SLC38A9: variants seen among roughly 807,000 people sequenced by gnomAD.
SLC38A9 encodes the protein neutral amino acid transporter 9.
A neutral mutation model predicts 62.3 loss-of-function variants in SLC38A9; 48 were observed. The observed-to-expected ratio is 0.77, with a 90% CI of 0.61 to 0.98. The LOEUF (loss-of-function observed/expected upper bound fraction) is 0.98, where lower values mean the gene tolerates loss of function less well. SLC38A9 is among the 50% of genes least tolerant of loss of function. The probability of loss-of-function intolerance (pLI) is 0.00; values close to 1 mark genes in which losing one functional copy is unlikely to be tolerated. For missense variants in SLC38A9, 541 were observed against 679.8 expected, an observed-to-expected ratio of 0.80 and a Z score of 2.27; for synonymous variants, 204 against 227.7, an observed-to-expected ratio of 0.90 and a Z score of 0.94.
At chr5:55,662,742 A>G (rs895640148) in intron 8 of SLC38A9, among the ~76,000 whole-genome samples, 5 of 151,932 alleles carry the variant, frequency 3.3e-5, no homozygotes, top group Middle Eastern at 3.4e-3. Context: ...TCATGTAGTA[A>G]AAGTCCAAAA....
chr5:55,679,051 A>C (rs1206512127), intron 3 of SLC38A9, among the ~76,000 whole-genome samples: 2 of 151,852 alleles, frequency 1.3e-5, no homozygotes, highest in Non-Finnish European at 2.9e-5. Flanking sequence ...CAAAAAATTG[A>C]CTATACTGCC....
At chr5:55,685,084 G>C (rs1753576821) in intron 3 of SLC38A9, among the ~76,000 whole-genome samples, 1 of 152,172 alleles carries the variant, frequency 6.6e-6, no homozygotes, top group African/African-American at 2.4e-5. Flanking sequence ...TGTCTTATTA[G>C]TTGTCCTATG....
intron 13 of SLC38A9, chr5:55,635,193 T>G: frequency 4.2e-6 from 1 of 239,250 alleles, no homozygotes; most frequent in Non-Finnish European, 8.3e-6. Flanking sequence ...TTCTCTGTGG[T>G]TTTATAACTA....
At chr5:55,639,277 A>T (rs959716733) in intron 12 of SLC38A9, among the ~76,000 whole-genome samples, 90 of 151,370 alleles carry the variant, frequency 5.9e-4, no homozygotes, top group African/African-American at 2.1e-3. Flanking sequence ...CTGTCTAAAA[A>T]AAAAAAAAAA....
At chr5:55,645,346 C>T (rs908930281) in intron 12 of SLC38A9, among the ~76,000 whole-genome samples, 8 of 152,174 alleles carry the variant, frequency 5.3e-5, no homozygotes, top group Non-Finnish European at 8.8e-5. Context: ...TGAGCCACCA[C>T]GCCCAGGGTA....
At position 55,669,707 on chromosome 5, in the gene SLC38A9, T is replaced by C. The variant is rs370646741; in HGVS notation, c.368+51A>G. The C allele has an allele frequency of 1.9e-6, 3 of 1,587,754 alleles. No individual in the cohort carries two copies. In the African/African-American group the frequency reaches 4.1e-5, roughly 22 times the overall value. On this transcript the variant is annotated intron_variant, in intron 5 of 15. Coordinates refer to ENST00000396865, the MANE Select transcript of SLC38A9 (RefSeq NM_173514.4). ...AGACAAAAATTTAAAAAACCAGTAATTTTCATCCATATACAGTTTAAGTCA... is the reference window on the plus strand; with the variant it reads ...AGACAAAAATTTAAAAAACCAGTAACTTTCATCCATATACAGTTTAAGTCA...
intron 7 of SLC38A9, among the ~76,000 whole-genome samples, chr5:55,667,078 C>G (rs1291722510): frequency 6.6e-6 from 1 of 152,018 alleles, no homozygotes; most frequent in Non-Finnish European, 1.5e-5. Flanking sequence ...GCCTGTAGTT[C>G]CAGCTACTCG....
At chr5:55,644,737 T>G (rs1295131203) in intron 12 of SLC38A9, among the ~76,000 whole-genome samples, 2 of 152,056 alleles carry the variant, frequency 1.3e-5, no homozygotes, top group African/African-American at 4.8e-5. Flanking sequence ...ATTATTATAC[T>G]TTAAGTTTTA....
chr5:55,678,331 T>A (rs1188482473), intron 3 of SLC38A9, among the ~76,000 whole-genome samples: 1 of 151,730 alleles, frequency 6.6e-6, no homozygotes, highest in African/African-American at 2.4e-5. Context: ...GAGACAAGGT[T>A]TCACTATGTT....
intron 10 of SLC38A9, among the ~76,000 whole-genome samples, 162 bp downstream of exon 10, chr5:55,652,357 CAAAAAAAAAA>C (rs60557392): frequency 1.8e-5 from 1 of 56,180 alleles, no homozygotes; most frequent in African/African-American, 6.8e-5. Flanking sequence ...AACTCCGTCT[CAAAAAAAAAA>C]AAAAAAAAAA....
At chr5:55,686,918 A>T (rs1468429687) in intron 3 of SLC38A9, among the ~76,000 whole-genome samples, 1 of 152,086 alleles carries the variant, frequency 6.6e-6, no homozygotes. Flanking sequence ...TGAAGATCAG[A>T]TAGTTGTAGG....
rs1750219727 is a variant in SLC38A9, at chr5:55,664,937, A to G, written c.527-74T>C. On this transcript the variant is annotated intron_variant, in intron 7 of 15. Transcript: ENST00000396865. Reference sequence around the variant, plus strand: ...CATATTCATAATTTGTGTTCCCCAAATAAACTCAAAATATTTGGCGAAAGA... The same window carrying G: ...CATATTCATAATTTGTGTTCCCCAAGTAAACTCAAAATATTTGGCGAAAGA... 3.0e-6 allele frequency: 3 copies of G among 1,004,896 alleles called. No individual in the cohort carries two copies. The South Asian group carries it at 6.3e-5, about 21-fold the overall frequency. The allele number at this position is 1,004,896 out of a possible 1,614,324, so 62.2% of individuals were successfully genotyped here.
chr5:55,662,668 C>CA (rs1466889474), intron 8 of SLC38A9, among the ~76,000 whole-genome samples: 3 of 63,924 alleles, frequency 4.7e-5, no homozygotes, highest in African/African-American at 1.1e-4. Flanking sequence ...GACTCCGTCT[C>CA]AAAAAAACAA....
intron 3 of SLC38A9, chr5:55,692,906 A>G (rs1754942598): frequency 1.0e-6 from 1 of 978,032 alleles, no homozygotes; most frequent in Non-Finnish European, 1.2e-6. Context: ...ATCTTTTCTG[A>G]TGGCCACTAT....
chr5:55,694,191 G>C (rs972136899), intron 3 of SLC38A9: 2 of 220,786 alleles, frequency 9.1e-6, no homozygotes, highest in Non-Finnish European at 1.8e-5. Flanking sequence ...GTGGGCTACA[G>C]AGTGAGACCC....
At chr5:55,629,801 A>G (rs1743107940) in intron 14 of SLC38A9, among the ~76,000 whole-genome samples, 1 of 152,230 alleles carries the variant, frequency 6.6e-6, no homozygotes, top group South Asian at 2.1e-4. Context: ...AGAATTTTGG[A>G]AAACTTGTAT....
chr5:55,694,782 C>G (rs574602514), intron 3 of SLC38A9, among the ~76,000 whole-genome samples: 1 of 139,580 alleles, frequency 7.2e-6, no homozygotes, highest in East Asian at 2.5e-4. Flanking sequence ...CTGACAGAGT[C>G]TTGCTCTATC....
chr5:55,688,562 A>C (rs1754288159), intron 3 of SLC38A9, among the ~76,000 whole-genome samples: 1 of 151,560 alleles, frequency 6.6e-6, no homozygotes, highest in Admixed American at 6.6e-5. Flanking sequence ...TTGTATTTTT[A>C]GTAGAGACGG....
intron 3 of SLC38A9, chr5:55,691,415 A>G: frequency 8.4e-7 from 1 of 1,193,556 alleles, no homozygotes; most frequent in East Asian, 3.0e-5. Flanking sequence ...CTGGGCATAC[A>G]GAGAAGGATA....
Sources: gnomAD v4.1 joint callset for allele counts (sites outside exome capture counted in the v4.1 genomes callset) on GRCh38, gnomAD v4.1.1 for gene constraint, MANE v1.5 for transcripts, NCBI Gene and HGNC (gene_info 2026-07-23, HGNC 2026-07-21) for gene names.